Variants in GREB1L observed in about 807,000 individuals in gnomAD.
The protein encoded by GREB1L is GREB1-like protein.
Under a neutral mutation model 200.8 loss-of-function variants are expected in GREB1L, and 17 were observed. That is an observed-to-expected ratio of 0.08 (90% CI 0.06 to 0.13). GREB1L has a LOEUF of 0.13. Ranked by LOEUF, GREB1L falls within the 10% of genes least tolerant of loss-of-function variation. The pLI, the probability that GREB1L is intolerant of heterozygous loss-of-function variation, is 1.00. For synonymous variants in GREB1L, 789 were observed against 893.0 expected (o/e 0.88, Z 2.08); for missense variants, 1,657 against 2,367.7 (o/e 0.70, Z 6.23).
chr18:21,261,290 T>G (rs558183042), intron 1 of GREB1L, among the ~76,000 whole-genome samples: 1 of 152,188 alleles, frequency 6.6e-6, no homozygotes, highest in Non-Finnish European at 1.5e-5. Context: ...CCAGGAGCAA[T>G]TCTTGAGGAC....
chr18:21,271,695 G>A (rs1462674253), intron 1 of GREB1L, among the ~76,000 whole-genome samples: 1 of 149,392 alleles, frequency 6.7e-6, no homozygotes, highest in Non-Finnish European at 1.5e-5. Flanking sequence ...TGTTAGTCCA[G>A]AATGTAGCCC....
intron 1 of GREB1L, among the ~76,000 whole-genome samples, chr18:21,319,417 GATAA>G (rs2038918915): frequency 1.3e-5 from 2 of 152,316 alleles, no homozygotes; most frequent in African/African-American, 2.4e-5. Context: ...CAAGTATGTT[GATAA>G]ATGTTAGGAA....
chr18:21,363,958 T>C (rs1396005170), intron 1 of GREB1L: 1 of 152,210 alleles, frequency 6.6e-6, no homozygotes, highest in Non-Finnish European at 1.5e-5. Flanking sequence ...ATACAGAATA[T>C]ATTATGTGAG....
chr18:21,269,689 C>A (rs553624099), intron 1 of GREB1L, among the ~76,000 whole-genome samples: 2 of 152,232 alleles, frequency 1.3e-5, no homozygotes, highest in South Asian at 4.1e-4. Flanking sequence ...ATTGTTTAAG[C>A]ATACTGGAAC....
At chr18:21,461,017 A>T (rs2035022540) in intron 15 of GREB1L, among the ~76,000 whole-genome samples, 1 of 151,746 alleles carries the variant, frequency 6.6e-6, no homozygotes, top group South Asian at 2.1e-4. Context: ...GGATCACTTG[A>T]ACCTGGGAGG....
intron 21 of GREB1L, among the ~76,000 whole-genome samples, chr18:21,498,568 C>T (rs2036646790): frequency 6.6e-6 from 1 of 152,208 alleles, no homozygotes; most frequent in African/African-American, 2.4e-5. Context: ...TTCCGTCCCA[C>T]TCCTTCCTCT....
intron 1 of GREB1L, among the ~76,000 whole-genome samples, chr18:21,284,946 T>G (rs2038330840): frequency 6.6e-6 from 1 of 152,226 alleles, no homozygotes; most frequent in Non-Finnish European, 1.5e-5. Context: ...TGAGCACCTT[T>G]TCATCTGCTT....
intron 2 of GREB1L, chr18:21,380,580 A>G (rs1277793471): frequency 6.6e-6 from 1 of 152,238 alleles, no homozygotes; most frequent in Non-Finnish European, 1.5e-5. Context: ...TCACATGACT[A>G]GATACTGAGT....
chr18:21,505,040 C>T (rs2036957528), intron 23 of GREB1L, among the ~76,000 whole-genome samples: 1 of 152,264 alleles, frequency 6.6e-6, no homozygotes, highest in Non-Finnish European at 1.5e-5. Context: ...GGGAATCTTG[C>T]TCAGTGCATC....
chr18:21,487,135 C>T (rs1316057324), intron 18 of GREB1L, among the ~76,000 whole-genome samples: 1 of 152,204 alleles, frequency 6.6e-6, no homozygotes, highest in African/African-American at 2.4e-5. Flanking sequence ...TGAGTACCCC[C>T]TTTAAGCATT....
intron 1 of GREB1L, among the ~76,000 whole-genome samples, chr18:21,260,556 A>G (rs935437403): frequency 2.6e-5 from 4 of 152,012 alleles, no homozygotes; most frequent in African/African-American, 9.6e-5. Context: ...GAGACTTAAC[A>G]TGCAAAGGAC....
At chr18:21,268,153 A>C (rs781751844) in intron 1 of GREB1L, among the ~76,000 whole-genome samples, 6 of 151,990 alleles carry the variant, frequency 3.9e-5, no homozygotes, top group Non-Finnish European at 5.9e-5. Context: ...TGGTAGACTT[A>C]ATAGGGGTAG....
intron 1 of GREB1L, among the ~76,000 whole-genome samples, chr18:21,291,147 C>T (rs1301825201): frequency 1.3e-5 from 2 of 152,134 alleles, no homozygotes; most frequent in Non-Finnish European, 2.9e-5. Context: ...TGTTTCACCT[C>T]CTCTCCCACT....
chr18:21,257,696 T>G (rs1427261990), intron 1 of GREB1L, among the ~76,000 whole-genome samples: 1 of 152,238 alleles, frequency 6.6e-6, no homozygotes, highest in Non-Finnish European at 1.5e-5. Flanking sequence ...AGCATATGTA[T>G]GTCAGAGTAT....
chr18:21,396,693 TTCTA>T (rs1299941491), intron 5 of GREB1L, among the ~76,000 whole-genome samples: 1 of 152,224 alleles, frequency 6.6e-6, no homozygotes, highest in Non-Finnish European at 1.5e-5. Flanking sequence ...ATCTTTATAT[TTCTA>T]TCTATATGAT....
At chr18:21,257,037 A>G (rs1010721868) in intron 1 of GREB1L, among the ~76,000 whole-genome samples, 1 of 151,766 alleles carries the variant, frequency 6.6e-6, no homozygotes, top group Non-Finnish European at 1.5e-5. Context: ...ACTCTCAGGA[A>G]ATGTTAGTTA....
intron 5 of GREB1L, among the ~76,000 whole-genome samples, chr18:21,397,195 TA>T (rs1415925072): frequency 1.3e-4 from 19 of 151,970 alleles, no homozygotes; most frequent in African/African-American, 4.6e-4. Context: ...AAGGCTCTCA[TA>T]AAAAAAGAAC....
chr18:21,469,451 A>G (rs1275593954), intron 15 of GREB1L, among the ~76,000 whole-genome samples: 3 of 151,988 alleles, frequency 2.0e-5, no homozygotes, highest in Non-Finnish European at 4.4e-5. Flanking sequence ...CTGTTTTCTT[A>G]CTTTCTGAAA....
At chr18:21,306,266 G>A (rs2038698241) in intron 1 of GREB1L, among the ~76,000 whole-genome samples, 1 of 152,132 alleles carries the variant, frequency 6.6e-6, no homozygotes, top group Non-Finnish European at 1.5e-5. Flanking sequence ...GGCCCATGAG[G>A]CATATAAACT....
Sources: allele counts gnomAD v4.1 joint callset (sites outside exome capture counted in the v4.1 genomes callset), GRCh38; gene constraint gnomAD v4.1.1; transcripts MANE v1.5; gene names NCBI Gene and HGNC (gene_info 2026-07-23, HGNC 2026-07-21).